CEP76: variants seen among roughly 807,000 people sequenced by gnomAD.
CEP76 encodes the protein centrosomal protein of 76 kDa.
Under a neutral mutation model 83.3 loss-of-function variants are expected in CEP76, and 55 were observed. That is an observed-to-expected ratio of 0.66 (90% CI 0.53 to 0.83). The LOEUF is 0.83. Among genes scored for constraint, CEP76 ranks in the 40% least tolerant of loss-of-function variants. The probability of loss-of-function intolerance (pLI) is 0.00; values close to 1 mark genes in which losing one functional copy is unlikely to be tolerated. For missense variants in CEP76, 694 were observed against 799.5 expected (o/e 0.87, Z 1.59); for synonymous variants, 270 against 274.5 (o/e 0.98, Z 0.16).
chr18:12,689,895 T>A (rs2039688000), intron 7 of CEP76, among the ~76,000 whole-genome samples: 2 of 152,254 alleles, frequency 1.3e-5, no homozygotes, highest in South Asian at 4.2e-4. Flanking sequence ...GTTAAGCAAT[T>A]CTCCTGCCTC....
chr18:12,690,542 G>A lies in CEP76; in HGVS notation c.933+817C>T, dbSNP rs1038769523. Among the ~76,000 whole-genome samples the A allele has an allele frequency of 2.3e-4, 35 of 151,280 alleles. No homozygotes were observed. In the Middle Eastern group the frequency reaches 0.01, roughly 44 times the overall value. On this transcript the variant is annotated intron_variant, in intron 7 of 11. Transcript: ENST00000262127. The stretch of plus-strand genomic sequence containing the variant: ...GCGATCTCGGCTCACTGCAAGCTCC[G>A]CCTCCCGGGTTCACGCCATTCTCCT...
downstream of CEP76, among the ~76,000 whole-genome samples, chr18:12,667,773 A>AG (rs2038832616): frequency 6.7e-6 from 1 of 149,426 alleles, no homozygotes; most frequent in African/African-American, 2.5e-5. Flanking sequence ...AAAAAAAAAA[A>AG]AAAAGAAAAG....
intron 12 of CEP76, among the ~76,000 whole-genome samples, chr18:12,664,721 C>T (rs1444200280): frequency 6.5e-4 from 93 of 143,324 alleles, no homozygotes; most frequent in Non-Finnish European, 1.1e-3. Flanking sequence ...TTTTTTAAGA[C>T]GGGGTCTTGC....
In CEP76 at chr18:12,702,689, C is replaced by T. The variant is rs1182693056; in HGVS notation, c.-141G>A. 2.2e-6 allele frequency: 2 copies of T among 919,052 alleles called. No homozygotes were observed. Among genetic ancestry groups the T allele is most frequent in the Non-Finnish European group, 3.1e-6 (2 of 639,146 alleles). The allele number at this position is 919,052 out of a possible 1,614,324, so 56.9% of individuals were successfully genotyped here. On this transcript the variant is annotated 5_prime_UTR_variant, in exon 1 of 12. Coordinates refer to ENST00000262127, the MANE Select transcript of CEP76 (RefSeq NM_024899.4). Reference sequence around the variant, plus strand: ...CGCCTAGCGCAGCTCCCGGGGGACGCAACGCCGCGTCAGGCCGGGGGCTGA... The same window carrying T: ...CGCCTAGCGCAGCTCCCGGGGGACGTAACGCCGCGTCAGGCCGGGGGCTGA...
At chr18:12,691,872 C>T (rs1350472142) in intron 6 of CEP76, among the ~76,000 whole-genome samples, 2 of 152,034 alleles carry the variant, frequency 1.3e-5, no homozygotes, top group African/African-American at 4.8e-5. Flanking sequence ...CGTGCCACCA[C>T]ACTCAGCTAA....
intron 7 of CEP76, 120 bp downstream of exon 7, chr18:12,691,239 T>G: frequency 1.6e-6 from 1 of 628,720 alleles, no homozygotes; most frequent in Non-Finnish European, 2.5e-6. Flanking sequence ...AGCATTTTAT[T>G]TTACAAATAC....
Position 12,693,392 on chromosome 18 carries a change from C to G in CEP76, c.804+1862G>C, listed in dbSNP as rs539454089. Among the ~76,000 whole-genome samples the G allele has an allele frequency of 3.3e-5, 5 of 151,940 alleles. No individual in the cohort carries two copies. In the South Asian group the frequency reaches 8.3e-4, roughly 25 times the overall value. The stretch of plus-strand genomic sequence containing the variant: ...TGAGCTATAATCACACCACTGCACT[C>G]AAGCCTGAGAGAGTGAGATGCTGTC... On this transcript the variant is annotated intron_variant, in intron 6 of 11. Transcript: ENST00000262127.
intron 7 of CEP76, among the ~76,000 whole-genome samples, chr18:12,687,274 G>C (rs2039570993): frequency 6.6e-6 from 1 of 152,038 alleles, no homozygotes; most frequent in African/African-American, 2.4e-5. Flanking sequence ...CAGAACCACT[G>C]ATGTCTTTCT....
chr18:12,700,935 T>A (rs773321135), intron 2 of CEP76, 23 bp downstream of exon 2: 1 of 1,595,742 alleles, frequency 6.3e-7, no homozygotes, highest in African/African-American at 1.3e-5. Flanking sequence ...TACTCTCATT[T>A]ATTTCCCTAA....
intron 7 of CEP76, among the ~76,000 whole-genome samples, chr18:12,689,776 A>G (rs1403749523): frequency 6.6e-6 from 1 of 151,782 alleles, no homozygotes; most frequent in East Asian, 1.9e-4. Context: ...ATATATATAT[A>G]TATGTATATT....
At chr18:12,683,003 T>C (rs1403028525) in intron 8 of CEP76, among the ~76,000 whole-genome samples, 1 of 151,980 alleles carries the variant, frequency 6.6e-6, no homozygotes, top group African/African-American at 2.4e-5. Context: ...TCTGCAAAGA[T>C]AGTCAGTGTG....
chr18:12,678,869 T>C (rs546227096), intron 9 of CEP76, among the ~76,000 whole-genome samples: 63 of 152,100 alleles, frequency 4.1e-4, no homozygotes, highest in African/African-American at 1.4e-3. Flanking sequence ...GCCAGGAGAA[T>C]TGCTTGAACC....
chr18:12,665,046 T>C (rs1481399726), intron 12 of CEP76: 1 of 152,170 alleles, frequency 6.6e-6, no homozygotes, highest in African/African-American at 2.4e-5. Context: ...AAAAGGTTTT[T>C]TTTTTCCCTG....
At position 12,666,436 on chromosome 18, in the gene CEP76, G is replaced by GTTT. The variant is rs557490556; in HGVS notation, c.*1728-4270_*1728-4268dup. Among the ~76,000 whole-genome samples the GTTT allele has an allele frequency of 9.5e-4, 120 of 126,598 alleles. 1 individual carries two copies. The highest frequency in any genetic ancestry group is 1.4e-3 in the Non-Finnish European group (84 of 60,546). The allele number at this position is 126,598 out of a possible 152,430, so 83.1% of individuals were successfully genotyped here. On this transcript the variant is annotated intron_variant and NMD_transcript_variant, in intron 12 of 12. Coordinates refer to the CEP76 transcript ENST00000590143. ...TTTTCAGGGTTAACAAAATTTTATG[G>GTTT]TTTTTTTTTTTTTTTTTTTGTGAGG...
intron 8 of CEP76, chr18:12,684,277 G>C (rs1344996779): frequency 2.0e-5 from 3 of 151,286 alleles, no homozygotes; most frequent in African/African-American, 7.3e-5. Context: ...CCCATGCCTG[G>C]GTAATTTTTA....
intron 6 of CEP76, among the ~76,000 whole-genome samples, chr18:12,694,120 A>T (rs1171021207): frequency 1.3e-5 from 2 of 152,226 alleles, no homozygotes; most frequent in Non-Finnish European, 1.5e-5. Flanking sequence ...TATTTGAGTA[A>T]CATCAAAGTT....
chr18:12,683,186 C>CAAAA lies in CEP76; in HGVS notation c.1123-2362_1123-2359dup, dbSNP rs765652085. On this transcript the variant is annotated intron_variant, in intron 8 of 11. Coordinates refer to ENST00000262127, the MANE Select transcript of CEP76 (RefSeq NM_024899.4). ...GAAACCCCATCTCTACTAAAAATAC[C>CAAAA]AAAAAAAAAAAAAAAAAAGCCAGGC... Among the ~76,000 whole-genome samples, 179 of 63,664 alleles carry CAAAA rather than the reference C, an allele frequency of 2.8e-3. 3 individuals carry two copies. Among genetic ancestry groups the CAAAA allele is most frequent in the African/African-American group, 9.9e-3 (169 of 16,992 alleles). 41.8% of individuals were successfully genotyped at this position (63,664 alleles called of 152,430 possible).
At chr18:12,677,385 C>A (rs546836487) in intron 10 of CEP76, among the ~76,000 whole-genome samples, 4 of 141,138 alleles carry the variant, frequency 2.8e-5, no homozygotes, top group Admixed American at 7.5e-5. Flanking sequence ...TTGCAGTGAA[C>A]CAAGATCACG....
Position 12,672,630 on chromosome 18 carries a change from G to A in CEP76, c.*735C>T. On this transcript the variant is annotated 3_prime_UTR_variant, in exon 12 of 12. Transcript: ENST00000262127. ...AATCCTCTGACCACAGAAAATCAGT[G>A]ATCGACTGCAAGATCACAATTTATC... 1.0e-6 allele frequency: 1 copy of A among 981,126 alleles called. No homozygotes were observed. Among genetic ancestry groups the A allele is most frequent in the Non-Finnish European group, 1.2e-6 (1 of 825,938 alleles). The allele number at this position is 981,126 out of a possible 1,614,324, so 60.8% of individuals were successfully genotyped here. A position where few individuals can be genotyped will look rare whatever the true frequency, so the allele number is the denominator to read the frequency against.
Sources: allele counts gnomAD v4.1 joint callset (sites outside exome capture counted in the v4.1 genomes callset), GRCh38; gene constraint gnomAD v4.1.1; transcripts MANE v1.5; gene names NCBI Gene and HGNC (gene_info 2026-07-23, HGNC 2026-07-21).